The following EEF2K variants were observed in gnomAD, a reference collection of about 807,000 sequenced individuals.
EEF2K encodes alternative protein EEF2K.
In EEF2K, 70 loss-of-function variants were observed where a neutral mutation model predicts 93.8. That is an observed-to-expected ratio of 0.75 (90% CI 0.62 to 0.91). The LOEUF (loss-of-function observed/expected upper bound fraction) is 0.91. EEF2K is among the 40% of genes least tolerant of loss of function. EEF2K has a pLI of 0.00. For missense variants in EEF2K, 935 were observed against 972.9 expected, an observed-to-expected ratio of 0.96 and a Z score of 0.52; for synonymous variants, 376 against 380.8, an observed-to-expected ratio of 0.99 and a Z score of 0.15.
In EEF2K at chr16:22,258,630, C is replaced by T. The variant is rs1274286053; in HGVS notation, c.1166C>T (p.Thr389Ile). The T allele has an allele frequency of 7.4e-6, 12 of 1,614,036 alleles. No individual in the cohort carries two copies. The highest frequency in any genetic ancestry group is 1.3e-5 in the African/African-American group (1 of 74,914). The change falls in exon 10 of 18, where the codon ACC becomes ATC. Residue 389 changes from threonine (T) to isoleucine (I), a missense_variant. Thr to Ile is a moderately conservative substitution (Grantham distance 89). Coordinates refer to ENST00000263026, the MANE Select transcript of EEF2K (RefSeq NM_013302.5). ...NSGDENMSDV[T>I]FDSLPSSPSS... ...GGAGACGAGAACATGAGCGACGTGA[C>T]CTTCGACTCTCTCCCTTCTTCCCCA...
At chr16:22,210,741 G>A (rs1313091137) in intron 1 of EEF2K, among the ~76,000 whole-genome samples, 3 of 152,196 alleles carry the variant, frequency 2.0e-5, no homozygotes, top group Non-Finnish European at 2.9e-5. Flanking sequence ...TCTAAGCTGA[G>A]ACCTGAGGGA....
intron 16 of EEF2K, among the ~76,000 whole-genome samples, chr16:22,274,672 A>G (rs941475295): frequency 4.6e-5 from 7 of 152,098 alleles, no homozygotes; most frequent in African/African-American, 1.7e-4. Context: ...CAGTGGTGCC[A>G]TCATAGCTCA....
chr16:22,227,694 C>T (rs2047077035), intron 2 of EEF2K, among the ~76,000 whole-genome samples: 1 of 152,116 alleles, frequency 6.6e-6, no homozygotes, highest in African/African-American at 2.4e-5. Flanking sequence ...AACAATCTCC[C>T]CATTTATCAG....
Position 22,280,319 on chromosome 16 carries a change from G to A in EEF2K, c.2011G>A (p.Glu671Lys), listed in dbSNP as rs752955624. Reference sequence around the variant, plus strand: ...GCCCCGGTACATGATGCTGGCCAGGGAGGCCGAGATGCTGTTCACAGGAGG... The same window carrying A: ...GCCCCGGTACATGATGCTGGCCAGGAAGGCCGAGATGCTGTTCACAGGAGG... ...DEPRYMMLAR[E>K]AEMLFTGGYG... The change falls in exon 17 of 18, where the codon GAG (glutamate) becomes AAG (lysine). Residue 671 changes from glutamate to lysine, a missense_variant. Coordinates refer to ENST00000263026, the MANE Select transcript of EEF2K (RefSeq NM_013302.5). 8 of 1,607,502 alleles carry A rather than the reference G, an allele frequency of 5.0e-6. No individual in the cohort carries two copies. The Admixed American group carries it at 8.5e-5, about 17-fold the overall frequency.
intron 2 of EEF2K, among the ~76,000 whole-genome samples, chr16:22,230,449 A>G (rs537845831): frequency 6.6e-6 from 1 of 152,110 alleles, no homozygotes; most frequent in East Asian, 1.9e-4. Context: ...CTTGGCCTCA[A>G]GTGATCCGCC....
At chr16:22,277,848 T>C (rs1250879028) in intron 16 of EEF2K, among the ~76,000 whole-genome samples, 1 of 151,262 alleles carries the variant, frequency 6.6e-6, no homozygotes, top group Admixed American at 6.6e-5. Context: ...GGAAGTCTAA[T>C]ATCAGTATGC....
intron 2 of EEF2K, among the ~76,000 whole-genome samples, chr16:22,227,471 C>T (rs1391355200): frequency 6.6e-6 from 1 of 152,180 alleles, no homozygotes; most frequent in East Asian, 1.9e-4. Context: ...GATCCACCTG[C>T]CTCAGGTTCC....
rs182959007 is a variant in EEF2K, at chr16:22,257,629, C to A, written c.902-14C>A. 8.7e-6 allele frequency: 14 copies of A among 1,611,500 alleles called. No individual in the cohort carries two copies. The Admixed American group carries it at 1.2e-4, about 13-fold the overall frequency. On this transcript the variant is annotated splice_polypyrimidine_tract_variant and intron_variant, in intron 8 of 17. Coordinates refer to ENST00000263026, the MANE Select transcript of EEF2K (RefSeq NM_013302.5). The stretch of plus-strand genomic sequence containing the variant: ...AGCAAAGCAACACTCCAGACACCCC[C>A]GCTCTGTCCACAGGTGTCCGCGGGA...
intron 2 of EEF2K, among the ~76,000 whole-genome samples, chr16:22,230,460 C>T (rs926490580): frequency 6.6e-5 from 10 of 151,980 alleles, no homozygotes; most frequent in Non-Finnish European, 1.2e-4. Flanking sequence ...GTGATCCGCC[C>T]GCCTCAGCTT....
intron 2 of EEF2K, 139 bp downstream of exon 2, chr16:22,226,114 G>A: frequency 1.6e-6 from 2 of 1,267,240 alleles, no homozygotes; most frequent in Non-Finnish European, 2.2e-6. Flanking sequence ...GGATATACTT[G>A]TTAAGCAGGG....
In EEF2K at chr16:22,274,584, G is replaced by A. The variant is rs181218323; in HGVS notation, c.1889+834G>A. Among the ~76,000 whole-genome samples the A allele has an allele frequency of 2.4e-4, 36 of 152,162 alleles. No individual in the cohort carries two copies. The East Asian group carries it at 4.1e-3, about 17-fold the overall frequency. ...AGTGGGTATCCCTAGATAGGATTAT[G>A]GGTGATTTTAATTGACTTTTCCTAC... On this transcript the variant is annotated intron_variant, in intron 16 of 17. Transcript: ENST00000263026.
At chr16:22,249,066 C>T (rs1281583453) in intron 4 of EEF2K, among the ~76,000 whole-genome samples, 2 of 149,216 alleles carry the variant, frequency 1.3e-5, no homozygotes, top group Non-Finnish European at 3.0e-5. Flanking sequence ...ACCTCCTGGT[C>T]TCAAGCCATC....
Position 22,256,789 on chromosome 16 carries a change from A to C in EEF2K, c.660A>C (p.Arg220Ser). 6.2e-7 allele frequency: 1 copy of C among 1,614,150 alleles called. No homozygotes were observed. The highest frequency in any genetic ancestry group is 8.5e-7 in the Non-Finnish European group (1 of 1,180,032). ...TGTGCATCATCGAGCTGAAGGACAG[A>C]CCGGGCAAGCCCCTCTTCCACCTGG... ...MQMCIIELKD[R>S]PGKPLFHLEH... Residue 220 changes from arginine to serine, a missense_variant, in exon 7 of 18, where the codon AGA becomes AGC. Arg to Ser is a moderately radical substitution (Grantham distance 110). Transcript: ENST00000263026.
chr16:22,217,265 T>C (rs561099945), intron 1 of EEF2K, among the ~76,000 whole-genome samples: 6 of 149,048 alleles, frequency 4.0e-5, no homozygotes, highest in Admixed American at 1.3e-4. Context: ...AGGATAACAC[T>C]GAGAATAGTT....
At position 22,222,702 on chromosome 16, in the gene EEF2K, T is replaced by TA. The variant is rs1161314400; in HGVS notation, c.-76-2928dup. On this transcript the variant is annotated intron_variant, in intron 1 of 17. Transcript: ENST00000263026. ...GGCCAACATGGTGAAACCCCGTCCC[T>TA]AAAAAAAAAAAAAAAAAAAAAAAAT... 4.9e-3 allele frequency among the ~76,000 whole-genome samples: 470 copies of TA among 96,520 alleles called. 4 individuals carry two copies. The highest frequency in any genetic ancestry group is 0.011 in the Middle Eastern group (2 of 190). 63.3% of individuals were successfully genotyped at this position (96,520 alleles called of 152,430 possible).
At position 22,207,645 on chromosome 16, in the gene EEF2K, T is replaced by TG. The variant is rs534562744; in HGVS notation, c.-77+968dup. Among the ~76,000 whole-genome samples the TG allele has an allele frequency of 1.9e-4, 29 of 152,214 alleles. No individual in the cohort carries two copies. The South Asian group carries it at 5.2e-3, about 27-fold the overall frequency. On this transcript the variant is annotated intron_variant, in intron 1 of 17. Coordinates refer to ENST00000263026, the MANE Select transcript of EEF2K (RefSeq NM_013302.5). ...CCAAGAGCCCTGTGGTTGAGGGCCC[T>TG]GGACAGGCTGTGAAGTCACAGCGAA... is the stretch of plus-strand genomic sequence containing the variant.
chr16:22,237,541 G>C (rs11648623), intron 2 of EEF2K, among the ~76,000 whole-genome samples: 1 of 151,440 alleles, frequency 6.6e-6, no homozygotes, highest in African/African-American at 2.4e-5. Context: ...GGGAGGTTGA[G>C]GTGGAGGTTG....
chr16:22,251,966 G>A (rs1333905040), intron 6 of EEF2K, among the ~76,000 whole-genome samples: 2 of 151,660 alleles, frequency 1.3e-5, no homozygotes, highest in Admixed American at 6.6e-5. Context: ...GCTAATTTTT[G>A]TATTTTCTGT....
rs947845243 is a variant in EEF2K at position 22,257,486 on chromosome 16, C to T, written c.901+101C>T. 107 of 1,553,372 alleles carry T rather than the reference C, an allele frequency of 6.9e-5. 2 individuals carry two copies. Among genetic ancestry groups the T allele is most frequent in the South Asian group, 5.1e-4 (41 of 81,038 alleles). On this transcript the variant is annotated intron_variant, in intron 8 of 17. Transcript: ENST00000263026. ...AGGAAACAGGCTGAGACACTGTACG[C>T]GCTTTTTCAAGATCATGGAGATGGG...
Sources: allele counts gnomAD v4.1 joint callset (sites outside exome capture counted in the v4.1 genomes callset), GRCh38; gene constraint gnomAD v4.1.1; transcripts MANE v1.5; gene names NCBI Gene and HGNC (gene_info 2026-07-23, HGNC 2026-07-21).